The following STPG4 variants were observed in gnomAD, a reference collection of about 807,000 sequenced individuals.
STPG4 encodes the protein protein STPG4.
STPG4 carries 41 observed loss-of-function variants against 31.5 expected under a neutral mutation model. That is an observed-to-expected ratio of 1.30 (90% CI 1.01 to 1.69). STPG4 has a LOEUF of 1.69. Among genes scored for constraint, STPG4 ranks in the 40% most tolerant of loss-of-function variants. The pLI is 0.00. For synonymous variants in STPG4, 141 were observed against 103.0 expected (o/e 1.37, Z -2.24); for missense variants, 375 against 293.4 (o/e 1.28, Z -2.03).
At chr2:47,116,522 A>T (rs1676640455) in intron 5 of STPG4, among the ~76,000 whole-genome samples, 1 of 152,164 alleles carries the variant, frequency 6.6e-6, no homozygotes, top group South Asian at 2.1e-4. Context: ...GTTTTACGGA[A>T]TTGTCTTAAG....
At chr2:47,134,708 G>A (rs1573187829) in intron 3 of STPG4, among the ~76,000 whole-genome samples, 1 of 152,206 alleles carries the variant, frequency 6.6e-6, no homozygotes, top group East Asian at 1.9e-4. Flanking sequence ...TTCAAGTCCT[G>A]TGGGTAAATA....
At chr2:47,132,593 C>A (rs1686508054) in intron 3 of STPG4, among the ~76,000 whole-genome samples, 1 of 152,132 alleles carries the variant, frequency 6.6e-6, no homozygotes, top group Non-Finnish European at 1.5e-5. Context: ...ACATCATAAA[C>A]ACCAAGGAAA....
intron 5 of STPG4, 58 bp from the exon 6 acceptor site, chr2:47,090,432 C>T: frequency 1.8e-6 from 2 of 1,086,968 alleles, no homozygotes; most frequent in Non-Finnish European, 1.4e-6. Flanking sequence ...TATTTTAAGG[C>T]TTTATTTGCC....
intron 3 of STPG4, among the ~76,000 whole-genome samples, chr2:47,138,327 C>G (rs1558685954): frequency 6.6e-6 from 1 of 150,438 alleles, no homozygotes; most frequent in Non-Finnish European, 1.5e-5. Context: ...TAGTTTAATT[C>G]AGTTTAATTC....
At chr2:47,125,083 C>A (rs1040645063) in intron 5 of STPG4, among the ~76,000 whole-genome samples, 4 of 152,148 alleles carry the variant, frequency 2.6e-5, no homozygotes, top group African/African-American at 9.7e-5. Flanking sequence ...TGAGAAATGT[C>A]TATTCAGATC....
intron 5 of STPG4, among the ~76,000 whole-genome samples, chr2:47,098,206 C>T (rs769185837): frequency 3.3e-5 from 5 of 152,352 alleles, no homozygotes; most frequent in African/African-American, 4.8e-5. Flanking sequence ...TGACCCAAAA[C>T]GGGTTCACCA....
chr2:47,151,231 C>A lies in STPG4; in HGVS notation c.399+27G>T, dbSNP rs557984456. On this transcript the variant is annotated intron_variant, in intron 3 of 6. Transcript: ENST00000445927. ...AGGGGCTCTTAGTAGCTTTCCCACA[C>A]AAAGCAATCTGCCAGTAGCGCTTTA... The A allele has an allele frequency of 1.9e-5, 31 of 1,611,906 alleles. No homozygotes were observed. The South Asian group carries it at 3.3e-4, about 17-fold the overall frequency.
chr2:47,124,164 G>A (rs1198109017), intron 5 of STPG4, among the ~76,000 whole-genome samples: 1 of 151,990 alleles, frequency 6.6e-6, no homozygotes, highest in Non-Finnish European at 1.5e-5. Context: ...TGTATTTTCA[G>A]TAGAGGTGGG....
chr2:47,092,788 T>C (rs1364635174), intron 5 of STPG4, among the ~76,000 whole-genome samples: 1 of 102,856 alleles, frequency 9.7e-6, no homozygotes, highest in East Asian at 2.7e-4. Context: ...CTGCAGACCC[T>C]CCACGGTTCT....
At chr2:47,089,795 G>C (rs1573140656) in intron 6 of STPG4, among the ~76,000 whole-genome samples, 1 of 152,176 alleles carries the variant, frequency 6.6e-6, no homozygotes, top group Non-Finnish European at 1.5e-5. Flanking sequence ...CCTCTTCCCT[G>C]TCTGTCCTGA....
chr2:47,133,474 C>T (rs117080349), intron 3 of STPG4, among the ~76,000 whole-genome samples: 217 of 147,346 alleles, frequency 1.5e-3, no homozygotes, highest in East Asian at 5.3e-3. Flanking sequence ...GCCAGTTCTT[C>T]GTTTTTAAGG....
At chr2:47,098,930 G>C (rs1374278579) in intron 5 of STPG4, among the ~76,000 whole-genome samples, 1 of 152,154 alleles carries the variant, frequency 6.6e-6, no homozygotes, top group Non-Finnish European at 1.5e-5. Context: ...CCCAAGACAA[G>C]GGGGTCATAT....
intron 5 of STPG4, among the ~76,000 whole-genome samples, chr2:47,093,322 G>A (rs1685608087): frequency 6.6e-6 from 1 of 152,224 alleles, no homozygotes; most frequent in South Asian, 2.1e-4. Flanking sequence ...AGAGGTTGCT[G>A]TCAGGGTGAG....
intron 3 of STPG4, among the ~76,000 whole-genome samples, chr2:47,137,718 AGTAATTG>A (rs1686623665): frequency 6.6e-6 from 1 of 152,178 alleles, no homozygotes; most frequent in Admixed American, 6.5e-5. Context: ...CTGTCTTTCA[AGTAATTG>A]GTTCATTTTA....
intron 3 of STPG4, among the ~76,000 whole-genome samples, chr2:47,149,950 G>A (rs527631128): frequency 7.2e-5 from 11 of 152,232 alleles, no homozygotes; most frequent in Middle Eastern, 3.4e-3. Flanking sequence ...CATTCAAGGC[G>A]AGGGGCACAT....
intron 5 of STPG4, among the ~76,000 whole-genome samples, chr2:47,104,618 C>G (rs1489293014): frequency 6.6e-6 from 1 of 151,904 alleles, no homozygotes; most frequent in Non-Finnish European, 1.5e-5. Context: ...ACAGTCTTGC[C>G]CCAGGGGTTT....
At position 47,153,016 on chromosome 2, in the gene STPG4, T is replaced by G; in HGVS notation, c.82A>C (p.Lys28Gln). Residue 28 changes from lysine to glutamine, a missense_variant and splice_region_variant, in exon 2 of 7, where the codon AAA becomes CAA. Transcript: ENST00000445927. ...VGGESFITAS[K>Q]PAQKTSSFER... ...AAAGAGGAAGTCTTTTGGGCTGGTT[T>G]CTGTTAACAAACACAAAGTATGCTT... 1 of 1,609,308 alleles carries G rather than the reference T, an allele frequency of 6.2e-7. No individual in the cohort carries two copies. The highest frequency in any genetic ancestry group is 1.1e-5 in the South Asian group (1 of 90,530).
At chr2:47,141,772 C>T (rs757410923) in intron 3 of STPG4, among the ~76,000 whole-genome samples, 8 of 151,842 alleles carry the variant, frequency 5.3e-5, no homozygotes, top group Non-Finnish European at 1.0e-4. Context: ...ACACACACTT[C>T]AGGTCTAAAA....
intron 6 of STPG4, among the ~76,000 whole-genome samples, chr2:47,089,312 A>G (rs1031007076): frequency 6.6e-6 from 1 of 152,054 alleles, no homozygotes; most frequent in Non-Finnish European, 1.5e-5. Flanking sequence ...CCTCCCCATT[A>G]TCACTCTAGA....
Sources: gnomAD v4.1 joint callset for allele counts (sites outside exome capture counted in the v4.1 genomes callset) on GRCh38, gnomAD v4.1.1 for gene constraint, MANE v1.5 for transcripts, NCBI Gene and HGNC (gene_info 2026-07-23, HGNC 2026-07-21) for gene names.